The following TFEC variants were observed in gnomAD, a reference collection of about 807,000 sequenced individuals.
TFEC encodes the protein class E basic helix-loop-helix protein 34.
In TFEC, 31 loss-of-function variants were observed where a neutral mutation model predicts 41.6. The observed-to-expected ratio is 0.74, with a 90% CI of 0.56 to 1.01. The LOEUF is 1.01. Ranked by LOEUF, TFEC falls within the 50% of genes least tolerant of loss-of-function variation. The probability of loss-of-function intolerance (pLI) is 0.00; values close to 1 mark genes in which losing one functional copy is unlikely to be tolerated. For synonymous variants in TFEC, 143 were observed against 140.6 expected (o/e 1.02, Z -0.12); for missense variants, 402 against 404.1 (o/e 0.99, Z 0.04).
At position 115,940,451 on chromosome 7, in the gene TFEC, G is replaced by GA. The variant is rs954594035; in HGVS notation, c.*99dup. The GA allele has an allele frequency of 1.5e-4, 203 of 1,323,536 alleles. No homozygotes were observed. The East Asian group carries it at 2.9e-3, about 19-fold the overall frequency. The allele number at this position is 1,323,536 out of a possible 1,614,324, so 82.0% of individuals were successfully genotyped here. A position where few individuals can be genotyped will look rare whatever the true frequency, so the allele number is the denominator to read the frequency against. On this transcript the variant is annotated 3_prime_UTR_variant, in exon 8 of 8. Transcript: ENST00000265440. ...TTTCATGAACAACACATTCCTTTAAGAAAAAAAATAAGCCAAAGCAACATA... is the reference window on the plus strand; with the variant it reads ...TTTCATGAACAACACATTCCTTTAAGAAAAAAAAATAAGCCAAAGCAACATA...
rs1248204781 is a variant in TFEC at position 115,974,104 on chromosome 7, A to C, written c.267+66T>G. On this transcript the variant is annotated intron_variant, in intron 3 of 7. Transcript: ENST00000265440. ...GAAAAAAGCACCAGTTGCTAATCAA[A>C]TATTTTTATTATCAGAGTGTATTCA... 3.0e-6 allele frequency: 4 copies of C among 1,327,126 alleles called. No individual in the cohort carries two copies. The South Asian group carries it at 5.7e-5, about 19-fold the overall frequency. The allele number at this position is 1,327,126 out of a possible 1,614,324, so 82.2% of individuals were successfully genotyped here.
chr7:115,962,745 G>A (rs1792626451), intron 3 of TFEC, among the ~76,000 whole-genome samples: 2 of 151,696 alleles, frequency 1.3e-5, no homozygotes, highest in Admixed American at 1.3e-4. Context: ...AACCCTCACA[G>A]GGGGAGAAGC....
chr7:116,004,397 C>T (rs1794710088), intron 1 of TFEC, among the ~76,000 whole-genome samples: 1 of 152,064 alleles, frequency 6.6e-6, no homozygotes, highest in Non-Finnish European at 1.5e-5. Context: ...TGCATTTGTC[C>T]AAACCCATAG....
At chr7:116,155,078 A>G (rs1260447148) in intron 1 of TFEC, among the ~76,000 whole-genome samples, 5 of 152,076 alleles carry the variant, frequency 3.3e-5, no homozygotes, top group Non-Finnish European at 7.3e-5. Context: ...CAATGCTTTC[A>G]CCAGTTATGT....
At chr7:116,011,619 T>A (rs1371052630) in intron 1 of TFEC, among the ~76,000 whole-genome samples, 3 of 152,182 alleles carry the variant, frequency 2.0e-5, no homozygotes, top group Non-Finnish European at 2.9e-5. Flanking sequence ...TATGGTTATA[T>A]TACTAAGCAT....
At chr7:115,974,957 C>T (rs1325026156) in intron 2 of TFEC, among the ~76,000 whole-genome samples, 1 of 151,848 alleles carries the variant, frequency 6.6e-6, no homozygotes, top group Non-Finnish European at 1.5e-5. Context: ...TCATTTAATA[C>T]TTATAATCAC....
At chr7:115,948,353 C>T (rs1185098864) in intron 6 of TFEC, among the ~76,000 whole-genome samples, 15 of 151,858 alleles carry the variant, frequency 9.9e-5, no homozygotes, top group African/African-American at 3.6e-4. Flanking sequence ...TTTTATGAGG[C>T]CAGCATCATC....
chr7:116,122,098 G>A (rs1269077211), intron 1 of TFEC, among the ~76,000 whole-genome samples: 1 of 152,004 alleles, frequency 6.6e-6, no homozygotes, highest in African/African-American at 2.4e-5. Flanking sequence ...AATTGTAATT[G>A]TTGTTACAAT....
intron 3 of TFEC, among the ~76,000 whole-genome samples, chr7:116,069,773 T>C (rs1358205742): frequency 6.6e-6 from 1 of 151,642 alleles, no homozygotes; most frequent in African/African-American, 2.4e-5. Context: ...CACAAAAGCA[T>C]CCTACATGGT....
At chr7:116,034,511 T>C (rs868719905), upstream of TFEC, among the ~76,000 whole-genome samples, 1 of 152,010 alleles carries the variant, frequency 6.6e-6, no homozygotes, top group Non-Finnish European at 1.5e-5. Context: ...TGTCCATCAG[T>C]AACTCCTGTG....
intron 1 of TFEC, among the ~76,000 whole-genome samples, chr7:115,997,768 T>G (rs1794425510): frequency 6.6e-6 from 1 of 152,050 alleles, no homozygotes; most frequent in South Asian, 2.1e-4. Context: ...TGAAATAATT[T>G]TAAGCAAAAA....
chr7:116,125,130 A>C (rs1057263095), intron 1 of TFEC, among the ~76,000 whole-genome samples: 1 of 152,188 alleles, frequency 6.6e-6, no homozygotes, highest in Non-Finnish European at 1.5e-5. Context: ...AGTGAGTATA[A>C]TAAGAAATGG....
At chr7:116,005,936 G>T (rs184837172) in intron 1 of TFEC, among the ~76,000 whole-genome samples, 1 of 152,240 alleles carries the variant, frequency 6.6e-6, no homozygotes, top group Non-Finnish European at 1.5e-5. Context: ...GGTACAGCTA[G>T]GGCTGTTGCT....
At chr7:116,148,101 G>C (rs1798681164) in intron 1 of TFEC, among the ~76,000 whole-genome samples, 1 of 152,188 alleles carries the variant, frequency 6.6e-6, no homozygotes. Context: ...CTTCAACTTA[G>C]TTAGGGGTTT....
In TFEC at chr7:115,984,484, C is replaced by G. The variant is rs750014855; in HGVS notation, c.-43G>C. 6.8e-6 allele frequency: 11 copies of G among 1,613,852 alleles called. No individual in the cohort carries two copies. In the Admixed American group the frequency reaches 8.3e-5, roughly 12 times the overall value. On this transcript the variant is annotated 5_prime_UTR_variant, in exon 2 of 8. Coordinates refer to ENST00000265440, the MANE Select transcript of TFEC (RefSeq NM_012252.4). ...GTCTCTGGGCTTTCTGTAGCTGAGG[C>G]CTTGCAGAACTTTCCAGGTGTGCTG...
intron 2 of TFEC, among the ~76,000 whole-genome samples, chr7:115,976,059 T>C (rs1793363775): frequency 6.6e-6 from 1 of 152,184 alleles, no homozygotes; most frequent in East Asian, 1.9e-4. Flanking sequence ...CTCATATGAC[T>C]ACTAAATACG....
At chr7:116,035,918 G>A (rs529253024) in intron 3 of TFEC, among the ~76,000 whole-genome samples, 20 of 151,922 alleles carry the variant, frequency 1.3e-4, no homozygotes, top group African/African-American at 4.8e-4. Flanking sequence ...ATTTTTAAAT[G>A]TGGCTCAGAA....
chr7:116,098,867 A>AAGG (rs1797533840), intron 3 of TFEC, among the ~76,000 whole-genome samples: 1 of 115,042 alleles, frequency 8.7e-6, no homozygotes, highest in Non-Finnish European at 1.8e-5. Flanking sequence ...GAGAGGAAGA[A>AAGG]AAGGAAGGAA....
rs749569254 is a variant in TFEC at position 115,954,642 on chromosome 7, T to C, written c.383A>G (p.Glu128Gly). Residue 128 changes from glutamate to glycine, a missense_variant and splice_region_variant, in exon 5 of 8, where the codon GAA becomes GGA. Glu to Gly is a moderately conservative substitution (Grantham distance 98). Transcript: ENST00000265440. ...TTTTGCTAAAGCTCTAGTGTCAGTT[T>C]CTGATCAAAAGAAAAATAATAAAAA... is the stretch of plus-strand genomic sequence containing the variant. The part of the protein sequence containing the change: ...SSLPMKREIT[E>G]TDTRALAKER... The C allele has an allele frequency of 6.2e-6, 10 of 1,610,802 alleles. No individual in the cohort carries two copies. The East Asian group carries it at 2.2e-4, about 36-fold the overall frequency.
Sources: gnomAD v4.1 joint callset for allele counts (sites outside exome capture counted in the v4.1 genomes callset) on GRCh38, gnomAD v4.1.1 for gene constraint, MANE v1.5 for transcripts, NCBI Gene and HGNC (gene_info 2026-07-23, HGNC 2026-07-21) for gene names.